The following NKAIN2 variants were observed in gnomAD, a reference collection of about 807,000 sequenced individuals.
The protein encoded by NKAIN2 is sodium/potassium transporting ATPase interacting 2, also known as sodium/potassium-transporting ATPase subunit beta-1-interacting protein 2.
Under a neutral mutation model 32.6 loss-of-function variants are expected in NKAIN2, and 14 were observed. The observed-to-expected ratio is 0.43, with a 90% CI of 0.28 to 0.67. NKAIN2 has a LOEUF of 0.67. Ranked by LOEUF, NKAIN2 falls within the 30% of genes least tolerant of loss-of-function variation. The probability of loss-of-function intolerance (pLI) is 0.17; values close to 1 mark genes in which losing one functional copy is unlikely to be tolerated. For synonymous variants in NKAIN2, 80 were observed against 87.2 expected (o/e 0.92, Z 0.46); for missense variants, 198 against 258.3 (o/e 0.77, Z 1.60).
intron 4 of NKAIN2, among the ~76,000 whole-genome samples, chr6:124,733,315 TTAA>T (rs1776777164): frequency 2.0e-5 from 3 of 151,938 alleles, no homozygotes; most frequent in South Asian, 2.1e-4. Flanking sequence ...TATGAATTTT[TTAA>T]TAATATCATT....
At chr6:124,619,700 AT>A (rs1458098160) in intron 3 of NKAIN2, among the ~76,000 whole-genome samples, 1 of 152,192 alleles carries the variant, frequency 6.6e-6, no homozygotes, top group East Asian at 1.9e-4. Context: ...GAATCTTTGA[AT>A]TATACCTTCT....
chr6:124,523,919 A>C (rs1157954607), intron 3 of NKAIN2, among the ~76,000 whole-genome samples: 1 of 152,204 alleles, frequency 6.6e-6, no homozygotes, highest in African/African-American at 2.4e-5. Context: ...GGTTACTACC[A>C]ATGGATTAGT....
intron 3 of NKAIN2, among the ~76,000 whole-genome samples, chr6:124,412,839 G>A (rs972314171): frequency 1.2e-4 from 18 of 152,304 alleles, no homozygotes; most frequent in African/African-American, 4.3e-4. Context: ...GAGCTTCCTG[G>A]CTGCTTTGTT....
chr6:124,373,590 C>A (rs1799863651), intron 3 of NKAIN2, among the ~76,000 whole-genome samples: 1 of 152,064 alleles, frequency 6.6e-6, no homozygotes, highest in East Asian at 1.9e-4. Context: ...AATTATGCCC[C>A]AGGGCTCTGC....
chr6:124,773,085 T>C (rs1168424870), intron 4 of NKAIN2, among the ~76,000 whole-genome samples: 1 of 152,194 alleles, frequency 6.6e-6, no homozygotes, highest in African/African-American at 2.4e-5. Flanking sequence ...AGAGGCTTTT[T>C]AGTGGTGTTG....
chr6:124,593,370 C>A (rs548598183), intron 3 of NKAIN2, among the ~76,000 whole-genome samples: 1 of 152,232 alleles, frequency 6.6e-6, no homozygotes. Flanking sequence ...CTGGCTGGAC[C>A]GCTATGCATA....
At chr6:124,139,314 T>C (rs1037098159) in intron 1 of NKAIN2, among the ~76,000 whole-genome samples, 6 of 150,068 alleles carry the variant, frequency 4.0e-5, no homozygotes, top group Non-Finnish European at 5.9e-5. Context: ...GGTCTCGATC[T>C]CCTGACCTCA....
intron 5 of NKAIN2, among the ~76,000 whole-genome samples, chr6:124,814,851 T>C (rs9401776): frequency 0.67 from 102,324 of 151,984 alleles, 34,678 homozygotes; most frequent in African/African-American, 0.71. Flanking sequence ...ATCATCTATT[T>C]TTTTTCTGCC....
intron 1 of NKAIN2, among the ~76,000 whole-genome samples, chr6:124,210,176 G>A (rs546957709): frequency 4.6e-5 from 7 of 151,670 alleles, no homozygotes; most frequent in African/African-American, 1.7e-4. Context: ...AGGATATCCA[G>A]TTTTCCTAGC....
intron 2 of NKAIN2, among the ~76,000 whole-genome samples, chr6:124,290,907 C>G (rs909752020): frequency 6.6e-6 from 1 of 152,002 alleles, no homozygotes; most frequent in Non-Finnish European, 1.5e-5. Flanking sequence ...GGAGATTTCT[C>G]TTAGTACTCT....
intron 3 of NKAIN2, among the ~76,000 whole-genome samples, chr6:124,472,490 T>C (rs1777013506): frequency 6.6e-6 from 1 of 152,048 alleles, no homozygotes; most frequent in South Asian, 2.1e-4. Flanking sequence ...CACAGGCCTT[T>C]GGGAGCACAC....
At position 124,717,240 on chromosome 6, in the gene NKAIN2, C is replaced by T. The variant is rs185588128; in HGVS notation, c.474+58854C>T. Among the ~76,000 whole-genome samples the T allele has an allele frequency of 9.7e-4, 147 of 152,240 alleles. 2 individuals are homozygous for T. In the South Asian group the frequency reaches 0.014, roughly 15 times the overall value. ...TGTAAAATTATTCTATAAATTGTAG[C>T]ACTATTAAGTGTTAATTACTCTCCT... is the stretch of plus-strand genomic sequence containing the variant. On this transcript the variant is annotated intron_variant, in intron 4 of 6. Coordinates refer to ENST00000368417, the MANE Select transcript of NKAIN2 (RefSeq NM_001040214.3).
chr6:124,226,567 C>T (rs1792122146), intron 1 of NKAIN2, among the ~76,000 whole-genome samples: 1 of 151,910 alleles, frequency 6.6e-6, no homozygotes, highest in Non-Finnish European at 1.5e-5. Context: ...AAATCTTGGC[C>T]ATGTTGTTTT....
At chr6:124,149,513 G>T (rs2114382309) in intron 1 of NKAIN2, among the ~76,000 whole-genome samples, 2 of 152,310 alleles carry the variant, frequency 1.3e-5, no homozygotes, top group Non-Finnish European at 2.9e-5. Flanking sequence ...ATACCCAGCT[G>T]TTCGAGAACC....
At chr6:124,407,280 G>T (rs931170014) in intron 3 of NKAIN2, among the ~76,000 whole-genome samples, 1 of 151,830 alleles carries the variant, frequency 6.6e-6, no homozygotes, top group African/African-American at 2.4e-5. Flanking sequence ...GTGCCATGTT[G>T]GTGTGCTGCA....
chr6:124,160,835 GT>G (rs1788239676), intron 1 of NKAIN2, among the ~76,000 whole-genome samples: 1 of 152,114 alleles, frequency 6.6e-6, no homozygotes. Context: ...TTAGTTATAT[GT>G]GTGAGATGTC....
intron 3 of NKAIN2, among the ~76,000 whole-genome samples, chr6:124,638,887 C>CAA (rs35802663): frequency 0.42 from 34,280 of 81,928 alleles, 7,804 homozygotes; most frequent in Non-Finnish European, 0.48. Flanking sequence ...GAGACTCTGT[C>CAA]AAAAAAAAAA....
intron 3 of NKAIN2, among the ~76,000 whole-genome samples, chr6:124,355,970 C>T (rs915943190): frequency 1.3e-5 from 2 of 152,112 alleles, no homozygotes; most frequent in African/African-American, 4.8e-5. Context: ...CACCATCATC[C>T]TTCTGTTAGA....
At chr6:124,711,713 C>T (rs1410069820) in intron 4 of NKAIN2, among the ~76,000 whole-genome samples, 1 of 151,812 alleles carries the variant, frequency 6.6e-6, no homozygotes, top group Admixed American at 6.6e-5. Flanking sequence ...TCTAGTTATA[C>T]ATTCTTCTAA....
Sources: allele counts gnomAD v4.1 joint callset (sites outside exome capture counted in the v4.1 genomes callset), GRCh38; gene constraint gnomAD v4.1.1; transcripts MANE v1.5; gene names NCBI Gene and HGNC (gene_info 2026-07-23, HGNC 2026-07-21).